Variants in BRINP3 observed in about 807,000 individuals in gnomAD.
BRINP3 encodes the protein BMP/retinoic acid-inducible neural-specific protein 3.
In BRINP3, 19 loss-of-function variants were observed where a neutral mutation model predicts 71.0. The ratio of observed to expected loss-of-function variants is 0.27; its 90% CI spans 0.19 to 0.39. BRINP3 has a LOEUF of 0.39. Among genes scored for constraint, BRINP3 ranks in the 10% least tolerant of loss-of-function variants. The probability of loss-of-function intolerance (pLI) is 1.00; values close to 1 mark genes in which losing one functional copy is unlikely to be tolerated. For synonymous variants in BRINP3, 380 were observed against 337.7 expected (o/e 1.13, Z -1.37); for missense variants, 959 against 940.8 (o/e 1.02, Z -0.25).
chr1:190,409,805 T>G (rs1424077772), intron 2 of BRINP3, among the ~76,000 whole-genome samples: 3 of 151,998 alleles, frequency 2.0e-5, no homozygotes, highest in Admixed American at 2.0e-4. Flanking sequence ...GAAGAATAAT[T>G]GGGCCATATC....
chr1:190,398,354 A>G (rs571591310), intron 2 of BRINP3, among the ~76,000 whole-genome samples: 1 of 152,126 alleles, frequency 6.6e-6, no homozygotes, highest in East Asian at 1.9e-4. Flanking sequence ...ATATCTAAAT[A>G]TAGCTTACAC....
intron 7 of BRINP3, among the ~76,000 whole-genome samples, chr1:190,122,195 T>C (rs191790363): frequency 7.9e-5 from 12 of 152,270 alleles, no homozygotes; most frequent in Admixed American, 6.5e-4. Flanking sequence ...CTCACTTACA[T>C]AGCCTTGAAT....
At chr1:190,267,012 C>A (rs1009111316) in intron 3 of BRINP3, among the ~76,000 whole-genome samples, 24 of 152,198 alleles carry the variant, frequency 1.6e-4, no homozygotes, top group Non-Finnish European at 2.5e-4. Context: ...GCTTTAACAG[C>A]AACACTTTTC....
intron 6 of BRINP3, among the ~76,000 whole-genome samples, chr1:190,180,413 T>C (rs1652924904): frequency 6.6e-6 from 1 of 152,154 alleles, no homozygotes; most frequent in South Asian, 2.1e-4. Flanking sequence ...GCTACAACTA[T>C]GTGGACTTAG....
chr1:190,303,961 C>T (rs1023669467), intron 2 of BRINP3, among the ~76,000 whole-genome samples: 1 of 151,576 alleles, frequency 6.6e-6, no homozygotes, highest in Non-Finnish European at 1.5e-5. Context: ...GGTAGTACTT[C>T]AAATTGCCAT....
intron 3 of BRINP3, among the ~76,000 whole-genome samples, chr1:190,272,695 T>G (rs561368476): frequency 6.6e-6 from 1 of 151,538 alleles, no homozygotes; most frequent in African/African-American, 2.4e-5. Flanking sequence ...ATATATAGGA[T>G]TACTAATAAT....
chr1:190,290,012 T>C (rs956839763), intron 2 of BRINP3, among the ~76,000 whole-genome samples: 3 of 151,940 alleles, frequency 2.0e-5, no homozygotes, highest in Non-Finnish European at 2.9e-5. Context: ...ATGAAATGAG[T>C]AAATATTCTC....
intron 2 of BRINP3, among the ~76,000 whole-genome samples, chr1:190,399,068 T>C (rs1284444168): frequency 6.6e-6 from 1 of 152,000 alleles, no homozygotes; most frequent in Admixed American, 6.6e-5. Flanking sequence ...GAAATTACTA[T>C]TAATTTACCT....
chr1:190,310,473 C>T (rs1227223934), intron 2 of BRINP3, among the ~76,000 whole-genome samples: 1 of 151,630 alleles, frequency 6.6e-6, no homozygotes, highest in African/African-American at 2.4e-5. Context: ...ATGATTACAA[C>T]AGCATTCTGA....
chr1:190,406,685 G>T (rs1672305064), intron 2 of BRINP3, among the ~76,000 whole-genome samples: 1 of 152,126 alleles, frequency 6.6e-6, no homozygotes, highest in African/African-American at 2.4e-5. Context: ...AACAGCTAAA[G>T]ATGCTCTTGT....
rs576524957 is a variant in BRINP3 at position 190,207,394 on chromosome 1, C to T, written c.961+18688G>A. ...CCTGACAACCTGACATAACACCACA[C>T]GTTTGTTTTGCTGCCAATTAACTCC... On this transcript the variant is annotated intron_variant, in intron 6 of 7. Transcript: ENST00000367462. 8.5e-5 allele frequency among the ~76,000 whole-genome samples: 13 copies of T among 152,116 alleles called. No homozygotes were observed. The South Asian group carries it at 2.5e-3, about 29-fold the overall frequency.
chr1:190,335,694 GATAA>G (rs1257099263), intron 2 of BRINP3, among the ~76,000 whole-genome samples: 2 of 151,712 alleles, frequency 1.3e-5, no homozygotes, highest in East Asian at 1.9e-4. Flanking sequence ...GATATTCTCA[GATAA>G]ATAATCTCAA....
chr1:190,471,363 T>G (rs1677126444), intron 1 of BRINP3, among the ~76,000 whole-genome samples: 1 of 151,294 alleles, frequency 6.6e-6, no homozygotes, highest in Non-Finnish European at 1.5e-5. Flanking sequence ...ATCCTCCTCC[T>G]TTTAGCAACT....
intron 7 of BRINP3, among the ~76,000 whole-genome samples, chr1:190,158,385 A>G (rs1327899297): frequency 1.3e-5 from 2 of 152,052 alleles, no homozygotes; most frequent in East Asian, 3.9e-4. Flanking sequence ...CTGCAGCATA[A>G]AAATGGACTA....
intron 2 of BRINP3, 77 bp from the exon 3 acceptor site, chr1:190,281,827 G>A: frequency 7.3e-7 from 1 of 1,367,008 alleles, no homozygotes; most frequent in East Asian, 2.5e-5. Flanking sequence ...TTGGTAGCTG[G>A]GGTCAGTACA....
At chr1:190,286,879 C>A (rs1007305967) in intron 2 of BRINP3, among the ~76,000 whole-genome samples, 1 of 151,850 alleles carries the variant, frequency 6.6e-6, no homozygotes, top group East Asian at 1.9e-4. Context: ...ATATTGGCTC[C>A]CCATAATTTT....
chr1:190,462,623 C>T (rs888509002), intron 1 of BRINP3, among the ~76,000 whole-genome samples: 1 of 152,066 alleles, frequency 6.6e-6, no homozygotes, highest in Admixed American at 6.6e-5. Context: ...TTCTTCACAA[C>T]AAAATTAACA....
intron 4 of BRINP3, among the ~76,000 whole-genome samples, chr1:190,244,494 G>T (rs2102784336): frequency 6.6e-6 from 1 of 152,160 alleles, no homozygotes; most frequent in Admixed American, 6.6e-5. Flanking sequence ...CTTTGACAGA[G>T]TAACTAAAAA....
intron 2 of BRINP3, among the ~76,000 whole-genome samples, chr1:190,400,637 A>T (rs1671861115): frequency 6.6e-6 from 1 of 152,184 alleles, no homozygotes; most frequent in South Asian, 2.1e-4. Flanking sequence ...CCAATATTTG[A>T]AAGTGGATTT....
Sources: gnomAD v4.1 joint callset for allele counts (sites outside exome capture counted in the v4.1 genomes callset) on GRCh38, gnomAD v4.1.1 for gene constraint, MANE v1.5 for transcripts, NCBI Gene and HGNC (gene_info 2026-07-23, HGNC 2026-07-21) for gene names.